Variants in ADGRB1 observed in about 807,000 individuals in gnomAD.
ADGRB1 encodes adhesion G protein-coupled receptor B1.
In ADGRB1, 36 loss-of-function variants were observed where a neutral mutation model predicts 175.7. That is an observed-to-expected ratio of 0.20 (90% confidence interval 0.16 to 0.27). ADGRB1 has a LOEUF of 0.27. Among genes scored for constraint, ADGRB1 ranks in the 10% least tolerant of loss-of-function variants. The probability of loss-of-function intolerance (pLI) is 1.00; values close to 1 mark genes in which losing one functional copy is unlikely to be tolerated. For synonymous variants in ADGRB1, 1,054 were observed against 979.4 expected, an observed-to-expected ratio of 1.08 and a Z score of -1.42; for missense variants, 1,731 against 2,255.3, an observed-to-expected ratio of 0.77 and a Z score of 4.71.
intron 17 of ADGRB1, among the ~76,000 whole-genome samples, chr8:142,497,256 G>A (rs1842262405): frequency 6.6e-6 from 1 of 152,258 alleles, no homozygotes; most frequent in South Asian, 2.1e-4. Context: ...GTCCTGGCTC[G>A]GGACCCAGAC....
chr8:142,478,111 G>A, intron 6 of ADGRB1, 76 bp from the exon 7 acceptor site: 2 of 1,539,258 alleles, frequency 1.3e-6, no homozygotes, highest in Non-Finnish European at 1.8e-6. Flanking sequence ...CACCCAGGGT[G>A]CTCACACCCA....
rs924866655 is a variant in ADGRB1, at chr8:142,485,040, C to T, written c.2308+276C>T. Among the ~76,000 whole-genome samples, 6 of 152,186 alleles carry T rather than the reference C, an allele frequency of 3.9e-5. 1 individual carries two copies. Among genetic ancestry groups the T allele is most frequent in the Admixed American group, 3.9e-4 (6 of 15,292 alleles). ...TACCCACCTGGGGCCAGAGCGTATT[C>T]TGCCTGTCACCCCCAGTGCCCTCCC... On this transcript the variant is annotated intron_variant, in intron 13 of 30. Coordinates refer to ENST00000517894, the MANE Select transcript of ADGRB1 (RefSeq NM_001702.3).
chr8:142,519,950 ATGG>A lies in ADGRB1; in HGVS notation c.2922-859_2922-857del, dbSNP rs371205058. 6.3e-3 allele frequency among the ~76,000 whole-genome samples: 523 copies of A among 82,872 alleles called. 1 individual carries two copies. The highest frequency in any genetic ancestry group is 0.013 in the African/African-American group (288 of 21,474). The allele number at this position is 82,872 out of a possible 152,430, so 54.4% of individuals were successfully genotyped here. A position where few individuals can be genotyped will look rare whatever the true frequency, so the allele number is the denominator to read the frequency against. On this transcript the variant is annotated intron_variant, in intron 19 of 30. Coordinates refer to ENST00000517894, the MANE Select transcript of ADGRB1 (RefSeq NM_001702.3). ...TGGTGGTGGTGATGGTGATGGCGTGATGGTGGTGGTGGTGGTAGTGGTTGTGAT... is the reference window on the plus strand; with the variant it reads ...TGGTGGTGGTGATGGTGATGGCGTGATGGTGGTGGTGGTAGTGGTTGTGAT...
Position 142,510,581 on chromosome 8 carries a change from C to T in ADGRB1, c.2676-351C>T, listed in dbSNP as rs1261894565. ...CCGCGCGGGCCGGGGGCGCGGGCCCCGGAGGAGCTGGGGGCGGCGGGGGCG... is the reference window on the plus strand; with the variant it reads ...CCGCGCGGGCCGGGGGCGCGGGCCCTGGAGGAGCTGGGGGCGGCGGGGGCG... On this transcript the variant is annotated intron_variant, in intron 17 of 30. Transcript: ENST00000517894. The surrounding 1 kb of genome is among the most constrained non-coding windows in gnomAD (Gnocchi z 6.3). Among the ~76,000 whole-genome samples the T allele has an allele frequency of 6.8e-6, 1 of 146,990 alleles. No individual in the cohort carries two copies. The highest frequency in any genetic ancestry group is 1.5e-5 in the Non-Finnish European group (1 of 66,212).
In ADGRB1 at chr8:142,488,241, A is replaced by T. The variant is rs1841790014; in HGVS notation, c.2309-123A>T. 2.2e-6 allele frequency: 3 copies of T among 1,378,602 alleles called. No individual in the cohort carries two copies. The Admixed American group carries it at 5.5e-5, about 25-fold the overall frequency. 85.4% of individuals were successfully genotyped at this position (1,378,602 alleles called of 1,614,324 possible). On this transcript the variant is annotated intron_variant, in intron 13 of 30. Transcript: ENST00000517894. The stretch of plus-strand genomic sequence containing the variant: ...GCCCCCACACTCCTGCCTCTGAGCC[A>T]TGGGCACCCCGCGGCATCAGCCTGC...
At chr8:142,481,073 A>G (rs113132657) in intron 9 of ADGRB1, among the ~76,000 whole-genome samples, 181 bp from the exon 10 acceptor site, 2,441 of 152,296 alleles carry the variant, frequency 0.016, 29 homozygotes, top group African/African-American at 0.029. Flanking sequence ...AGCAGCTGGA[A>G]ATGTGTTGAT....
chr8:142,509,816 C>T (rs1842989879), intron 17 of ADGRB1, among the ~76,000 whole-genome samples: 1 of 152,234 alleles, frequency 6.6e-6, no homozygotes, highest in South Asian at 2.1e-4. Context: ...GCTGCACCCA[C>T]AAGCTCTTGG....
rs1842997752 is a variant in ADGRB1, at chr8:142,510,028, T to C, written c.2676-904T>C. Among the ~76,000 whole-genome samples the C allele has an allele frequency of 1.3e-5, 2 of 151,474 alleles. No individual in the cohort carries two copies. The highest frequency in any genetic ancestry group is 1.3e-4 in the Admixed American group (2 of 15,238). ...TGGCTTCCGGACAGGAGGGCTGCCT[T>C]GAAGGGTGGGGGAATTCGGCTCCAA... On this transcript the variant is annotated intron_variant, in intron 17 of 30. Coordinates refer to ENST00000517894, the MANE Select transcript of ADGRB1 (RefSeq NM_001702.3). This position sits in a 1 kb window ranked among gnomAD's most constrained non-coding sequence, Gnocchi z 6.3.
chr8:142,542,747 C>A lies in ADGRB1; in HGVS notation c.4413+100C>A. 13 of 1,148,876 alleles carry A rather than the reference C, an allele frequency of 1.1e-5. No homozygotes were observed. The highest frequency in any genetic ancestry group is 1.6e-5 in the African/African-American group (1 of 61,312). 71.2% of individuals were successfully genotyped at this position (1,148,876 alleles called of 1,614,324 possible). ...TGGGACCCCCACGCCGTCAGCGGGG[C>A]GGGCTGGCTCTGCCTCCTAGCTACA... is the stretch of plus-strand genomic sequence containing the variant. On this transcript the variant is annotated intron_variant, in intron 28 of 30. Transcript: ENST00000517894. This position sits in a 1 kb window ranked among gnomAD's most constrained non-coding sequence, Gnocchi z 6.3.
intron 17 of ADGRB1, among the ~76,000 whole-genome samples, chr8:142,499,076 G>A (rs896261070): frequency 7.9e-5 from 12 of 152,220 alleles, no homozygotes; most frequent in African/African-American, 2.9e-4. Flanking sequence ...AACCCCAGCT[G>A]TGCCAAGTGG....
Position 142,493,806 on chromosome 8 carries a change from G to A in ADGRB1, c.2675+2991G>A, listed in dbSNP as rs1204501938. ...GCAGGGAAGGACTGGGACTGACCTC[G>A]GTCCCCTTCCTTCTGCCCCTCACCT... On this transcript the variant is annotated intron_variant, in intron 17 of 30. Transcript: ENST00000517894. The surrounding 1 kb of genome is among the most constrained non-coding windows in gnomAD (Gnocchi z 5.0). Among the ~76,000 whole-genome samples the A allele has an allele frequency of 2.0e-5, 3 of 152,198 alleles. No homozygotes were observed. Among genetic ancestry groups the A allele is most frequent in the African/African-American group, 2.4e-5 (1 of 41,450 alleles).
intron 2 of ADGRB1, among the ~76,000 whole-genome samples, chr8:142,468,362 T>C (rs1303827086): frequency 2.0e-5 from 3 of 152,140 alleles, no homozygotes; most frequent in Non-Finnish European, 4.4e-5. Flanking sequence ...GCCGTTGGTC[T>C]TGTGGAAAGA....
intron 24 of ADGRB1, among the ~76,000 whole-genome samples, chr8:142,528,393 C>T (rs943010239): frequency 3.3e-5 from 5 of 152,176 alleles, no homozygotes; most frequent in Non-Finnish European, 5.9e-5. Context: ...GGCCTGAGTT[C>T]GTGAGGTGGC....
chr8:142,541,738 G>A (rs1403426617), intron 27 of ADGRB1, among the ~76,000 whole-genome samples: 1 of 152,180 alleles, frequency 6.6e-6, no homozygotes, highest in African/African-American at 2.4e-5. Context: ...GAGGACACAG[G>A]AACCCTAGGG....
At chr8:142,476,723 G>T (rs1475997209) in intron 4 of ADGRB1, 28 bp downstream of exon 4, 4 of 1,521,396 alleles carry the variant, frequency 2.6e-6, no homozygotes, top group Non-Finnish European at 3.5e-6. Context: ...GGGTGGGTGG[G>T]ACTAGGGCTT....
Position 142,524,221 on chromosome 8 carries a change from G to T in ADGRB1, c.3246-17G>T. 1 of 1,596,102 alleles carries T rather than the reference G, an allele frequency of 6.3e-7. No homozygotes were observed. Among genetic ancestry groups the T allele is most frequent in the Non-Finnish European group, 8.5e-7 (1 of 1,177,874 alleles). ...CCTCTGCACACGGGCGGTGCTGATG[G>T]CCTGTCTCCTCCCCAGCTGCTGGCT... is the stretch of plus-strand genomic sequence containing the variant. On this transcript the variant is annotated splice_polypyrimidine_tract_variant and intron_variant, in intron 22 of 30. Transcript: ENST00000517894.
At chr8:142,466,080 G>T (rs984834987) in intron 2 of ADGRB1, among the ~76,000 whole-genome samples, 1 of 152,210 alleles carries the variant, frequency 6.6e-6, no homozygotes, top group Non-Finnish European at 1.5e-5. Context: ...AGAGAAGGAA[G>T]CCCAGGGTTT....
rs1316054686 is a variant in ADGRB1, at chr8:142,510,001, G to A, written c.2676-931G>A. ...GGCCAGGTCTGTGAAGGAGGGACAC[G>A]GTGGCTTCCGGACAGGAGGGCTGCC... is the stretch of plus-strand genomic sequence containing the variant. On this transcript the variant is annotated intron_variant, in intron 17 of 30. Coordinates refer to ENST00000517894, the MANE Select transcript of ADGRB1 (RefSeq NM_001702.3). The surrounding 1 kb of genome is among the most constrained non-coding windows in gnomAD (Gnocchi z 6.3). Among the ~76,000 whole-genome samples the A allele has an allele frequency of 1.3e-5, 2 of 152,142 alleles. No individual in the cohort carries two copies. The highest frequency in any genetic ancestry group is 2.9e-5 in the Non-Finnish European group (2 of 68,012).
chr8:142,486,706 A>G (rs1423777498), intron 13 of ADGRB1, among the ~76,000 whole-genome samples: 1 of 152,230 alleles, frequency 6.6e-6, no homozygotes, highest in Non-Finnish European at 1.5e-5. Context: ...TGGGAGGCTA[A>G]CTAGCATTAA....
Sources: gnomAD v4.1 joint callset for allele counts (sites outside exome capture counted in the v4.1 genomes callset) on GRCh38, gnomAD v4.1.1 for gene constraint, Gnocchi (gnomAD v3.1) non-coding constraint, MANE v1.5 for transcripts, NCBI Gene and HGNC (gene_info 2026-07-23, HGNC 2026-07-21) for gene names.